Variants in ATF7IP2 observed in about 807,000 individuals in gnomAD.
The protein encoded by ATF7IP2 is activating transcription factor 7-interacting protein 2.
Under a neutral mutation model 64.2 loss-of-function variants are expected in ATF7IP2, and 42 were observed. That is an observed-to-expected ratio of 0.65 (90% CI 0.51 to 0.85). The LOEUF is 0.85. ATF7IP2 is among the 40% of genes least tolerant of loss of function. The pLI is 0.00. For synonymous variants in ATF7IP2, 308 were observed against 272.8 expected, an observed-to-expected ratio of 1.13 and a Z score of -1.27; for missense variants, 933 against 784.2, an observed-to-expected ratio of 1.19 and a Z score of -2.27.
chr16:10,410,884 C>G (rs974907017), intron 1 of ATF7IP2, among the ~76,000 whole-genome samples: 4 of 152,120 alleles, frequency 2.6e-5, no homozygotes, highest in Non-Finnish European at 5.9e-5. Context: ...GAGGTATGTC[C>G]TTTGTATGCC....
chr16:10,399,945 G>T (rs749885210), intron 1 of ATF7IP2, among the ~76,000 whole-genome samples: 2 of 152,116 alleles, frequency 1.3e-5, no homozygotes, highest in Non-Finnish European at 2.9e-5. Context: ...TTTACGTTTT[G>T]TAGCTATGGT....
Position 10,389,778 on chromosome 16 carries a change from A to G in ATF7IP2, c.-242+3656A>G, listed in dbSNP as rs1185179792. Among the ~76,000 whole-genome samples, 3 of 152,368 alleles carry G rather than the reference A, an allele frequency of 2.0e-5. No individual in the cohort carries two copies. The East Asian group carries it at 5.8e-4, about 29-fold the overall frequency. On this transcript the variant is annotated intron_variant, in intron 1 of 13. Coordinates refer to ENST00000562102, the MANE Select transcript of ATF7IP2 (RefSeq NM_001393719.1). The stretch of plus-strand genomic sequence containing the variant: ...TATTACATTGATAAAACTTGAAAAA[A>G]GTAATGTCAGAATTCTATTAGCATT...
chr16:10,447,784 G>A (rs946664101), intron 8 of ATF7IP2: 1 of 152,212 alleles, frequency 6.6e-6, no homozygotes, highest in Non-Finnish European at 1.5e-5. Flanking sequence ...GTGGATGCCT[G>A]GGCCTGTTAA....
intron 8 of ATF7IP2, among the ~76,000 whole-genome samples, chr16:10,451,562 A>C (rs2048984545): frequency 6.6e-6 from 1 of 151,824 alleles, no homozygotes; most frequent in Non-Finnish European, 1.5e-5. Flanking sequence ...ACTTTATTTC[A>C]TTAAGTTGAT....
chr16:10,457,955 G>A (rs2049239529), intron 9 of ATF7IP2, among the ~76,000 whole-genome samples: 1 of 152,196 alleles, frequency 6.6e-6, no homozygotes. Context: ...CAGGCAATCT[G>A]TCTGCCTCGG....
At chr16:10,460,012 G>C (rs2049320849) in intron 9 of ATF7IP2, among the ~76,000 whole-genome samples, 2 of 152,104 alleles carry the variant, frequency 1.3e-5, no homozygotes, top group African/African-American at 2.4e-5. Context: ...GGGGTGATTG[G>C]GGGGTGTGTG....
intron 2 of ATF7IP2, among the ~76,000 whole-genome samples, chr16:10,416,177 T>C (rs911919012): frequency 5.3e-5 from 8 of 152,192 alleles, no homozygotes; most frequent in Admixed American, 4.6e-4. Context: ...CTGTTCACAA[T>C]AGCCAAGATT....
chr16:10,438,990 T>G (rs2048516272), intron 7 of ATF7IP2, among the ~76,000 whole-genome samples: 1 of 144,350 alleles, frequency 6.9e-6, no homozygotes, highest in African/African-American at 2.6e-5. Context: ...GAGGCAGATA[T>G]TGCAGTGAGC....
rs1302630824 is a variant in ATF7IP2, at chr16:10,430,665, A to C, written c.45A>C (p.Lys15Asn). The C allele has an allele frequency of 3.1e-6, 5 of 1,614,118 alleles. No homozygotes were observed. Among genetic ancestry groups the C allele is most frequent in the Non-Finnish European group, 4.2e-6 (5 of 1,179,998 alleles). The change falls in exon 5 of 14, where the codon AAA becomes AAC. Residue 15 changes from lysine to asparagine, a missense_variant. By Grantham distance (94) the Lys-to-Asn change is moderately conservative. Coordinates refer to ENST00000562102, the MANE Select transcript of ATF7IP2 (RefSeq NM_001393719.1). ...GTAAACGGAAGATATTAAAAGCCAA[A>C]AAGACAATGCCCCTAAGTTGCCGGA... is the stretch of plus-strand genomic sequence containing the variant. ...DRSKRKILKA[K>N]KTMPLSCRKQ...
chr16:10,438,697 A>G (rs2048504559), intron 7 of ATF7IP2, among the ~76,000 whole-genome samples: 1 of 152,194 alleles, frequency 6.6e-6, no homozygotes, highest in Non-Finnish European at 1.5e-5. Flanking sequence ...TAGCTTAGCA[A>G]TATCGGCTTT....
At chr16:10,418,399 T>TG (rs1273972665) in intron 2 of ATF7IP2, among the ~76,000 whole-genome samples, 1 of 152,298 alleles carries the variant, frequency 6.6e-6, no homozygotes, top group Non-Finnish European at 1.5e-5. Context: ...TGGCCAGATT[T>TG]GGGGGCCTGT....
chr16:10,445,824 C>T (rs1246151043), intron 8 of ATF7IP2: 2 of 152,208 alleles, frequency 1.3e-5, no homozygotes, highest in African/African-American at 4.8e-5. Context: ...TTATTAAATA[C>T]ATGGGTGATT....
chr16:10,452,750 C>A (rs1404650864), intron 8 of ATF7IP2, among the ~76,000 whole-genome samples: 1 of 152,104 alleles, frequency 6.6e-6, no homozygotes, highest in Non-Finnish European at 1.5e-5. Context: ...ATCTATAAGC[C>A]CCTGCTGCCT....
intron 9 of ATF7IP2, among the ~76,000 whole-genome samples, chr16:10,461,114 A>G (rs2142025091): frequency 6.6e-6 from 1 of 152,324 alleles, no homozygotes; most frequent in African/African-American, 2.4e-5. Flanking sequence ...ATTAGTAATC[A>G]GGGAAATGCA....
chr16:10,407,250 C>T (rs189608802), intron 1 of ATF7IP2, among the ~76,000 whole-genome samples: 356 of 152,304 alleles, frequency 2.3e-3, no homozygotes, highest in Non-Finnish European at 3.8e-3. Context: ...CCGTATATGA[C>T]AGACCACAGT....
chr16:10,395,843 C>T (rs983891756), intron 1 of ATF7IP2, among the ~76,000 whole-genome samples: 4 of 152,034 alleles, frequency 2.6e-5, no homozygotes, highest in African/African-American at 9.7e-5. Context: ...GGAGGTTTTC[C>T]TGCTAATTCA....
At chr16:10,421,727 G>A (rs2047991981) in intron 3 of ATF7IP2, among the ~76,000 whole-genome samples, 1 of 152,236 alleles carries the variant, frequency 6.6e-6, no homozygotes, top group South Asian at 2.1e-4. Context: ...TCATCCATAT[G>A]ATGAATAATG....
chr16:10,393,714 A>T (rs761718998), intron 1 of ATF7IP2, among the ~76,000 whole-genome samples: 48 of 152,028 alleles, frequency 3.2e-4, no homozygotes, highest in Admixed American at 1.3e-4. Context: ...GTTTTTTGGG[A>T]TGTAATACTA....
At chr16:10,470,837 A>ATG (rs1458673058) in intron 9 of ATF7IP2, among the ~76,000 whole-genome samples, 28 of 137,296 alleles carry the variant, frequency 2.0e-4, no homozygotes, top group East Asian at 1.5e-3. Flanking sequence ...ATATATATAT[A>ATG]TGTGTGTGTA....
Sources: gnomAD v4.1 joint callset for allele counts (sites outside exome capture counted in the v4.1 genomes callset) on GRCh38, gnomAD v4.1.1 for gene constraint, MANE v1.5 for transcripts, NCBI Gene and HGNC (gene_info 2026-07-23, HGNC 2026-07-21) for gene names.